Variants in DGKB observed in about 807,000 individuals in gnomAD.
The protein encoded by DGKB is 90 kDa diacylglycerol kinase.
In DGKB, 67 loss-of-function variants were observed where a neutral mutation model predicts 114.3. The ratio of observed to expected loss-of-function variants is 0.59; its 90% CI spans 0.48 to 0.72. The LOEUF is 0.72. Ranked by LOEUF, DGKB falls within the 30% of genes least tolerant of loss-of-function variation. DGKB has a pLI of 0.00. For missense variants in DGKB, 907 were observed against 975.2 expected (o/e 0.93, Z 0.93); for synonymous variants, 398 against 323.1 (o/e 1.23, Z -2.49).
chr7:14,672,691 G>A (rs1338832169), intron 13 of DGKB, among the ~76,000 whole-genome samples: 1 of 152,122 alleles, frequency 6.6e-6, no homozygotes, highest in Non-Finnish European at 1.5e-5. Context: ...GCACGACTAA[G>A]TGATAAAACC....
chr7:14,971,184 A>T (rs1020284914), intron 1 of DGKB, among the ~76,000 whole-genome samples: 9 of 152,142 alleles, frequency 5.9e-5, no homozygotes, highest in Non-Finnish European at 1.3e-4. Flanking sequence ...TCAACTCAAA[A>T]TATTTTCTGA....
chr7:14,691,476 GC>G (rs1384666542), intron 9 of DGKB, among the ~76,000 whole-genome samples: 1 of 152,102 alleles, frequency 6.6e-6, no homozygotes, highest in African/African-American at 2.4e-5. Context: ...CACATTAACT[GC>G]CTACAGAAAG....
intron 1 of DGKB, among the ~76,000 whole-genome samples, chr7:14,857,552 A>G (rs1219962722): frequency 6.6e-6 from 1 of 152,170 alleles, no homozygotes; most frequent in Admixed American, 6.6e-5. Context: ...AACATAAAGT[A>G]ATAGAATGTT....
intron 1 of DGKB, among the ~76,000 whole-genome samples, chr7:14,934,820 G>C (rs1225559139): frequency 6.6e-6 from 1 of 152,126 alleles, no homozygotes; most frequent in African/African-American, 2.4e-5. Context: ...ACTCCATGTG[G>C]TTATTGATCT....
At position 14,701,663 on chromosome 7, in the gene DGKB, T is replaced by A; in HGVS notation, c.516+18A>T. 6.3e-7 allele frequency: 1 copy of A among 1,589,412 alleles called. No individual in the cohort carries two copies. The highest frequency in any genetic ancestry group is 8.6e-7 in the Non-Finnish European group (1 of 1,158,436). On this transcript the variant is annotated intron_variant, in intron 7 of 25. Transcript: ENST00000402815. ...AAATCTTTGAAGTTTTCACAGAAAC[T>A]TTGAAGAAAAAAATTACCGAGCTGT...
chr7:14,393,109 C>T (rs1448584195), intron 21 of DGKB, among the ~76,000 whole-genome samples: 4 of 150,786 alleles, frequency 2.7e-5, no homozygotes, highest in Non-Finnish European at 5.9e-5. Context: ...CCTGCCTCAG[C>T]CTCCCGCGTA....
chr7:14,170,258 G>C (rs529702410), intron 25 of DGKB, among the ~76,000 whole-genome samples: 2 of 152,064 alleles, frequency 1.3e-5, no homozygotes, highest in Non-Finnish European at 2.9e-5. Flanking sequence ...TCATAATTAA[G>C]AGATTAAAAC....
At chr7:14,464,413 A>G (rs1211460186) in intron 21 of DGKB, among the ~76,000 whole-genome samples, 1 of 152,218 alleles carries the variant, frequency 6.6e-6, no homozygotes, top group African/African-American at 2.4e-5. Context: ...TAAAAGTAAG[A>G]TGAAAAGTAA....
intron 7 of DGKB, among the ~76,000 whole-genome samples, chr7:14,700,440 T>C (rs1318695966): frequency 6.6e-6 from 1 of 152,256 alleles, no homozygotes; most frequent in East Asian, 1.9e-4. Flanking sequence ...CTCAAACTCC[T>C]GACTTCAGGT....
At chr7:14,548,195 A>C (rs987590984) in intron 20 of DGKB, among the ~76,000 whole-genome samples, 1 of 152,196 alleles carries the variant, frequency 6.6e-6, no homozygotes, top group African/African-American at 2.4e-5. Context: ...GTGATCATTT[A>C]ACATCTGTTT....
chr7:14,848,909 C>T lies in DGKB; in HGVS notation c.-187-7459G>A, dbSNP rs554563611. Among the ~76,000 whole-genome samples, 4 of 152,134 alleles carry T rather than the reference C, an allele frequency of 2.6e-5. No homozygotes were observed. The South Asian group carries it at 8.3e-4, about 32-fold the overall frequency. ...AACCCTGCATATCCCCTTCTCTTTT[C>T]AAAAGCATCAGTTTTGTATTACAAT... On this transcript the variant is annotated intron_variant, in intron 1 of 25. Transcript: ENST00000402815.
At chr7:14,729,847 C>G (rs1830658683) in intron 5 of DGKB, among the ~76,000 whole-genome samples, 1 of 152,060 alleles carries the variant, frequency 6.6e-6, no homozygotes, top group African/African-American at 2.4e-5. Context: ...TGTGGAAGTT[C>G]TAGCATATAA....
chr7:14,300,511 C>T (rs950006913), intron 23 of DGKB, among the ~76,000 whole-genome samples: 1 of 152,084 alleles, frequency 6.6e-6, no homozygotes, highest in African/African-American at 2.4e-5. Flanking sequence ...GTGAAAATGA[C>T]TGCTTATTTT....
chr7:14,958,596 C>T (rs1203102129), intron 1 of DGKB, among the ~76,000 whole-genome samples: 1 of 152,028 alleles, frequency 6.6e-6, no homozygotes, highest in African/African-American at 2.4e-5. Context: ...CCCAAAAATG[C>T]CATTTCCTTT....
chr7:14,176,174 AT>A (rs1781712445), intron 25 of DGKB: 1 of 173,272 alleles, frequency 5.8e-6, no homozygotes, highest in Admixed American at 6.5e-5. Flanking sequence ...TATTATAGGA[AT>A]GTAAGTAACT....
chr7:14,719,942 C>T (rs898016441), intron 5 of DGKB, among the ~76,000 whole-genome samples: 14 of 152,114 alleles, frequency 9.2e-5, no homozygotes, highest in Non-Finnish European at 1.5e-5. Context: ...GATTAGGGAC[C>T]GTCTTACAGA....
chr7:14,422,403 CTT>C (rs1826854750), intron 21 of DGKB, among the ~76,000 whole-genome samples: 1 of 152,016 alleles, frequency 6.6e-6, no homozygotes, highest in Non-Finnish European at 1.5e-5. Context: ...AACAGAGACA[CTT>C]ATAAATACAT....
intron 25 of DGKB, among the ~76,000 whole-genome samples, chr7:14,154,851 T>TC (rs1303329605): frequency 1.3e-5 from 2 of 151,642 alleles, no homozygotes; most frequent in East Asian, 1.9e-4. Flanking sequence ...ATTCTGCTTT[T>TC]TTTTTTTTTC....
At chr7:14,369,087 C>T (rs1817190906) in intron 21 of DGKB, among the ~76,000 whole-genome samples, 1 of 151,946 alleles carries the variant, frequency 6.6e-6, no homozygotes, top group South Asian at 2.1e-4. Flanking sequence ...CCACCCCCGA[C>T]AGACCCCAGT....
Sources: allele counts gnomAD v4.1 joint callset (sites outside exome capture counted in the v4.1 genomes callset), GRCh38; gene constraint gnomAD v4.1.1; transcripts MANE v1.5; gene names NCBI Gene and HGNC (gene_info 2026-07-23, HGNC 2026-07-21).